The following AKAP19 variants were observed in gnomAD, a reference collection of about 807,000 sequenced individuals.
AKAP19 encodes the protein A-kinase anchoring protein 19.
At chr2:190,174,975 G>A in the AKAP19 span, among the ~76,000 whole-genome samples, 1 of 147,938 alleles carries the variant, frequency 6.8e-6, no homozygotes, top group Non-Finnish European at 1.5e-5. Flanking sequence ...TCAGGTGTTG[G>A]AAATAAGCAC....
At chr2:190,185,812 A>G in the AKAP19 span, among the ~76,000 whole-genome samples, 1 of 152,250 alleles carries the variant, frequency 6.6e-6, no homozygotes, top group Non-Finnish European at 1.5e-5. Context: ...TTCCTCAATT[A>G]TAATCTGGAG....
chr2:189,919,090 G>T, the AKAP19 span, among the ~76,000 whole-genome samples: 2 of 152,302 alleles, frequency 1.3e-5, no homozygotes, highest in South Asian at 4.1e-4. Flanking sequence ...AAGACTATAC[G>T]TAGGGTTTGG....
At chr2:190,098,345 C>T in the AKAP19 span, among the ~76,000 whole-genome samples, 1 of 152,118 alleles carries the variant, frequency 6.6e-6, no homozygotes, top group East Asian at 1.9e-4. Flanking sequence ...CTTCATTAAG[C>T]TCCATGTATA....
the AKAP19 span, among the ~76,000 whole-genome samples, chr2:190,151,739 C>T: frequency 2.6e-5 from 4 of 152,146 alleles, no homozygotes; most frequent in Admixed American, 6.5e-5. Context: ...TAGTGGCTCA[C>T]GCCTGTAATC....
the AKAP19 span, among the ~76,000 whole-genome samples, chr2:189,958,104 T>A: frequency 6.6e-6 from 1 of 152,146 alleles, no homozygotes; most frequent in Non-Finnish European, 1.5e-5. Flanking sequence ...ATTTGCAACA[T>A]GTAATTGACA....
the AKAP19 span, among the ~76,000 whole-genome samples, chr2:190,025,367 A>G: frequency 6.6e-6 from 1 of 152,134 alleles, no homozygotes; most frequent in Non-Finnish European, 1.5e-5. Flanking sequence ...ATCCCCCCAC[A>G]TCATGTGTGC....
At chr2:190,083,465 G>T in the AKAP19 span, among the ~76,000 whole-genome samples, 1 of 152,188 alleles carries the variant, frequency 6.6e-6, no homozygotes, top group Non-Finnish European at 1.5e-5. Context: ...CCAAGATGAG[G>T]ACAGCTGCCC....
chr2:190,138,093 C>A, the AKAP19 span, among the ~76,000 whole-genome samples: 1 of 152,172 alleles, frequency 6.6e-6, no homozygotes, highest in African/African-American at 2.4e-5. Context: ...AGGTTTCTAC[C>A]TACTACTGAG....
At chr2:190,194,128 T>TA in the AKAP19 span, among the ~76,000 whole-genome samples, 1 of 152,224 alleles carries the variant, frequency 6.6e-6, no homozygotes, top group African/African-American at 2.4e-5. Context: ...TTGTACTGTG[T>TA]AATGTTTTAA....
the AKAP19 span, among the ~76,000 whole-genome samples, chr2:190,120,862 G>A: frequency 6.6e-6 from 1 of 152,092 alleles, no homozygotes; most frequent in Middle Eastern, 3.2e-3. Flanking sequence ...GATGATAAAG[G>A]AATTTACCTT....
At chr2:190,173,461 G>A in the AKAP19 span, among the ~76,000 whole-genome samples, 3 of 152,222 alleles carry the variant, frequency 2.0e-5, no homozygotes, top group African/African-American at 7.2e-5. Context: ...TACACTGTAA[G>A]ACGTCAAGAT....
the AKAP19 span, among the ~76,000 whole-genome samples, chr2:190,178,447 G>C: frequency 6.6e-6 from 1 of 152,148 alleles, no homozygotes; most frequent in Non-Finnish European, 1.5e-5. The surrounding 1 kb of genome is among the most constrained non-coding windows in gnomAD (Gnocchi z 6.3). Flanking sequence ...GTGGTGGTGC[G>C]GTCTCCCCAC....
chr2:189,936,167 AT>A, the AKAP19 span, among the ~76,000 whole-genome samples: 5 of 151,960 alleles, frequency 3.3e-5, no homozygotes, highest in Non-Finnish European at 5.9e-5. Context: ...ATGTCTCCAT[AT>A]TTTATTTGGG....
chr2:190,190,222 C>T, the AKAP19 span, among the ~76,000 whole-genome samples: 2 of 152,166 alleles, frequency 1.3e-5, no homozygotes, highest in African/African-American at 2.4e-5. Flanking sequence ...CTCTTCCAAA[C>T]AGTCCTTACT....
chr2:190,132,055 A>G, the AKAP19 span, among the ~76,000 whole-genome samples: 1 of 152,174 alleles, frequency 6.6e-6, no homozygotes, highest in Non-Finnish European at 1.5e-5. Flanking sequence ...AATCCAGAAA[A>G]CCAATTTAAA....
chr2:190,184,240 A>T, the AKAP19 span, among the ~76,000 whole-genome samples: 1 of 152,206 alleles, frequency 6.6e-6, no homozygotes, highest in Non-Finnish European at 1.5e-5. Context: ...AGTAACAGAT[A>T]TGTGACCCAA....
the AKAP19 span, among the ~76,000 whole-genome samples, chr2:190,117,053 A>G: frequency 6.6e-6 from 1 of 152,180 alleles, no homozygotes; most frequent in Non-Finnish European, 1.5e-5. Context: ...TAATCTCTCT[A>G]GATTTCAGTT....
At chr2:190,005,745 T>C in the AKAP19 span, among the ~76,000 whole-genome samples, 1 of 152,358 alleles carries the variant, frequency 6.6e-6, no homozygotes, top group Non-Finnish European at 1.5e-5. Context: ...AAGGCAGTGC[T>C]GTTTTCTTTG....
the AKAP19 span, among the ~76,000 whole-genome samples, chr2:189,963,196 TC>T: frequency 2.8e-5 from 1 of 36,270 alleles, no homozygotes; most frequent in Non-Finnish European, 1.6e-4. Context: ...GGGCTTCACT[TC>T]TCTTTTTTTT....
Sources: gnomAD v4.1 joint callset for allele counts (sites outside exome capture counted in the v4.1 genomes callset) on GRCh38, gnomAD v4.1.1 for gene constraint, Gnocchi (gnomAD v3.1) non-coding constraint, MANE v1.5 for transcripts, NCBI Gene and HGNC (gene_info 2026-07-23, HGNC 2026-07-21) for gene names.